The following LRIG1 variants were observed in gnomAD, a reference collection of about 807,000 sequenced individuals.
The protein encoded by LRIG1 is leucine rich repeats and immunoglobulin like domains 1, also known as leucine-rich repeats and immunoglobulin-like domains protein 1.
In LRIG1, 48 loss-of-function variants were observed where a neutral mutation model predicts 99.2. The ratio of observed to expected loss-of-function variants is 0.48; its 90% CI spans 0.38 to 0.62. The LOEUF (loss-of-function observed/expected upper bound fraction) is 0.62. Ranked by LOEUF, LRIG1 falls within the 20% of genes least tolerant of loss-of-function variation. The probability of loss-of-function intolerance (pLI) is 0.00; values close to 1 mark genes in which losing one functional copy is unlikely to be tolerated. For synonymous variants in LRIG1, 772 were observed against 596.1 expected (o/e 1.29, Z -4.30); for missense variants, 1,646 against 1,434.4 (o/e 1.15, Z -2.38).
At position 66,400,420 on chromosome 3, in the gene LRIG1, G is replaced by A. The variant is rs923166597; in HGVS notation, c.1161-1379C>T. On this transcript the variant is annotated intron_variant, in intron 9 of 18. Transcript: ENST00000273261. ...AAAGGCAGTGCTGACCATCAGCTTC[G>A]TGGACTTGTCAATCTTAAGGTACAC... is the stretch of plus-strand genomic sequence containing the variant. Among the ~76,000 whole-genome samples, 10 of 152,204 alleles carry A rather than the reference G, an allele frequency of 6.6e-5. 1 individual carries two copies. Among genetic ancestry groups the A allele is most frequent in the Admixed American group, 2.0e-4 (3 of 15,284 alleles).
intron 12 of LRIG1, among the ~76,000 whole-genome samples, chr3:66,389,894 C>T (rs1701549509): frequency 6.6e-6 from 1 of 152,110 alleles, no homozygotes; most frequent in African/African-American, 2.4e-5. Flanking sequence ...GTGATGATAC[C>T]AGCCATTTAG....
At chr3:66,412,684 G>T (rs1702507032) in intron 6 of LRIG1, among the ~76,000 whole-genome samples, 187 bp downstream of exon 6, 1 of 152,196 alleles carries the variant, frequency 6.6e-6, no homozygotes, top group Non-Finnish European at 1.5e-5. Context: ...GCTGGTGTGG[G>T]CGCGCACGTG....
chr3:66,423,808 C>T (rs377249176), intron 3 of LRIG1, among the ~76,000 whole-genome samples: 4 of 152,136 alleles, frequency 2.6e-5, no homozygotes, highest in African/African-American at 9.7e-5. Flanking sequence ...CAGAAGAGCC[C>T]CTCTGTAAAG....
At chr3:66,486,596 C>G (rs1427430610) in intron 1 of LRIG1, among the ~76,000 whole-genome samples, 2 of 152,192 alleles carry the variant, frequency 1.3e-5, no homozygotes, top group Non-Finnish European at 2.9e-5. Flanking sequence ...ACAATCGACT[C>G]AACTAATGAT....
At chr3:66,443,189 T>C (rs1183514550) in intron 3 of LRIG1, among the ~76,000 whole-genome samples, 1 of 151,968 alleles carries the variant, frequency 6.6e-6, no homozygotes, top group African/African-American at 2.4e-5. Flanking sequence ...TTGAGGCTCC[T>C]TGGTGGTATC....
intron 2 of LRIG1, among the ~76,000 whole-genome samples, chr3:66,456,897 T>C (rs1230469972): frequency 1.3e-5 from 2 of 152,208 alleles, no homozygotes; most frequent in Non-Finnish European, 2.9e-5. Flanking sequence ...AAATAGCCCC[T>C]TTTATTAATA....
chr3:66,412,847 G>T lies in LRIG1; in HGVS notation c.791+24C>A, dbSNP rs201707611. 96 of 1,613,092 alleles carry T rather than the reference G, an allele frequency of 6.0e-5. No individual in the cohort carries two copies. In the African/African-American group the frequency reaches 9.5e-4, roughly 16 times the overall value. On this transcript the variant is annotated intron_variant, in intron 6 of 18. Coordinates refer to ENST00000273261, the MANE Select transcript of LRIG1 (RefSeq NM_015541.3). ...ACACCGCACAGCAATCCTTAGCAAT[G>T]CCAGTAACCTGGTCCGCACTTACAG...
Position 66,383,350 on chromosome 3 carries a change from T to G in LRIG1, c.2123A>C (p.Glu708Ala). ...GGCTTTGCATTGGAGGGCCACTGTT[T>G]CTCCCACAGATACCACACGGTCTTC... ...PLEDRVVSVG[E>A]TVALQCKATG... The change falls in exon 15 of 19, where the codon GAA becomes GCA. Residue 708 changes from glutamate (E) to alanine (A), a missense_variant. Transcript: ENST00000273261. 1 of 1,590,436 alleles carries G rather than the reference T, an allele frequency of 6.3e-7. No individual in the cohort carries two copies. The highest frequency in any genetic ancestry group is 1.1e-5 in the South Asian group (1 of 88,314).
At chr3:66,423,527 C>T (rs775732623) in intron 3 of LRIG1, among the ~76,000 whole-genome samples, 21 of 152,278 alleles carry the variant, frequency 1.4e-4, no homozygotes, top group South Asian at 1.0e-3. Context: ...GCCAAGATCA[C>T]GCCACCGCAC....
intron 8 of LRIG1, among the ~76,000 whole-genome samples, chr3:66,406,865 C>G (rs370317447): frequency 6.6e-6 from 1 of 152,162 alleles, no homozygotes; most frequent in Non-Finnish European, 1.5e-5. Flanking sequence ...CATCTTGGTA[C>G]AGGTTATGCT....
chr3:66,419,978 C>T (rs1353441890), intron 3 of LRIG1, among the ~76,000 whole-genome samples: 1 of 152,178 alleles, frequency 6.6e-6, no homozygotes, highest in Non-Finnish European at 1.5e-5. Flanking sequence ...CCCAACCCAG[C>T]AGCCAGAGAG....
At chr3:66,409,748 C>T (rs1477800500) in intron 7 of LRIG1, 2 of 171,180 alleles carry the variant, frequency 1.2e-5, no homozygotes, top group South Asian at 3.5e-4. Context: ...TTTGGTGTGG[C>T]CATTAACACA....
At chr3:66,482,938 A>C (rs1700883607) in intron 1 of LRIG1, among the ~76,000 whole-genome samples, 1 of 152,226 alleles carries the variant, frequency 6.6e-6, no homozygotes, top group Non-Finnish European at 1.5e-5. Flanking sequence ...CGAACAATGA[A>C]ATCAGTTGTT....
intron 1 of LRIG1, among the ~76,000 whole-genome samples, chr3:66,480,082 G>A (rs968250937): frequency 4.6e-5 from 7 of 152,118 alleles, no homozygotes; most frequent in Non-Finnish European, 7.3e-5. Flanking sequence ...CTGATGAGTG[G>A]ATAAAGAAAA....
intron 7 of LRIG1, among the ~76,000 whole-genome samples, chr3:66,408,505 G>C (rs906695726): frequency 1.5e-4 from 23 of 152,304 alleles, no homozygotes; most frequent in African/African-American, 2.6e-4. Context: ...AGAGGGCATG[G>C]AAGAGGGCTT....
chr3:66,495,244 A>G (rs1701199815), intron 1 of LRIG1, among the ~76,000 whole-genome samples: 1 of 152,206 alleles, frequency 6.6e-6, no homozygotes, highest in African/African-American at 2.4e-5. Flanking sequence ...GGAGATTTTT[A>G]GATATTTGCC....
At chr3:66,418,075 GTGT>G (rs1702671520) in intron 3 of LRIG1, among the ~76,000 whole-genome samples, 1 of 150,974 alleles carries the variant, frequency 6.6e-6, no homozygotes, top group South Asian at 2.1e-4. Context: ...ACTGTAACTT[GTGT>G]TTTTTTTTTG....
chr3:66,414,818 A>G (rs2106687706), intron 5 of LRIG1, 102 bp downstream of exon 5: 1 of 1,193,956 alleles, frequency 8.4e-7, no homozygotes, highest in Non-Finnish European at 1.1e-6. Context: ...GCTTTACCAA[A>G]TGGAGCAAGG....
intron 1 of LRIG1, among the ~76,000 whole-genome samples, chr3:66,470,442 G>A (rs1700570826): frequency 6.6e-6 from 1 of 152,166 alleles, no homozygotes; most frequent in African/African-American, 2.4e-5. Flanking sequence ...GTAAAATAAG[G>A]AATGGAGGGC....
Sources: gnomAD v4.1 joint callset for allele counts (sites outside exome capture counted in the v4.1 genomes callset) on GRCh38, gnomAD v4.1.1 for gene constraint, MANE v1.5 for transcripts, NCBI Gene and HGNC (gene_info 2026-07-23, HGNC 2026-07-21) for gene names.